The following HS6ST3 variants were observed in gnomAD, a reference collection of about 807,000 sequenced individuals.
HS6ST3 encodes heparan-sulfate 6-O-sulfotransferase 3.
A neutral mutation model predicts 36.7 loss-of-function variants in HS6ST3; 12 were observed. The observed-to-expected ratio is 0.33, with a 90% CI of 0.21 to 0.53. HS6ST3 has a LOEUF of 0.53. HS6ST3 is among the 20% of genes least tolerant of loss of function. The probability of loss-of-function intolerance (pLI) is 0.95; values close to 1 mark genes in which losing one functional copy is unlikely to be tolerated. For missense variants in HS6ST3, 584 were observed against 640.9 expected (o/e 0.91, Z 0.96); for synonymous variants, 240 against 257.5 (o/e 0.93, Z 0.65).
chr13:96,305,413 A>G (rs375622230), intron 1 of HS6ST3, among the ~76,000 whole-genome samples: 48 of 152,324 alleles, frequency 3.2e-4, no homozygotes, highest in East Asian at 1.5e-3. Flanking sequence ...TGCATCATTT[A>G]TGGAGTTTTC....
intron 1 of HS6ST3, among the ~76,000 whole-genome samples, chr13:96,222,655 C>A (rs554186363): frequency 1.6e-4 from 24 of 152,292 alleles, no homozygotes; most frequent in Admixed American, 4.6e-4. Context: ...GGCCTATCGC[C>A]CTGACAGCTG....
intron 1 of HS6ST3, among the ~76,000 whole-genome samples, chr13:96,280,765 C>T (rs2054771743): frequency 1.3e-5 from 2 of 152,152 alleles, no homozygotes; most frequent in South Asian, 4.1e-4. Context: ...TGTACCTCAA[C>T]ATGATAGCCA....
chr13:96,799,964 GTGTATATA>G (rs1878011082), intron 1 of HS6ST3, among the ~76,000 whole-genome samples: 1 of 55,314 alleles, frequency 1.8e-5, no homozygotes, highest in Admixed American at 1.7e-4. Flanking sequence ...ATATATATAT[GTGTATATA>G]TATATATATG....
chr13:96,544,946 G>C lies in HS6ST3; in HGVS notation c.708-287544G>C, dbSNP rs550242363. Among the ~76,000 whole-genome samples, 5 of 152,236 alleles carry C rather than the reference G, an allele frequency of 3.3e-5. No individual in the cohort carries two copies. In the South Asian group the frequency reaches 1.0e-3, roughly 32 times the overall value. ...GAAGCTTGCACTAGAAGAAATACTTGAAAATTATGCAAATAAAGAAGCTCC... is the reference window on the plus strand; with the variant it reads ...GAAGCTTGCACTAGAAGAAATACTTCAAAATTATGCAAATAAAGAAGCTCC... On this transcript the variant is annotated intron_variant, in intron 1 of 1. Transcript: ENST00000376705.
intron 1 of HS6ST3, among the ~76,000 whole-genome samples, chr13:96,301,898 T>TATAATAATAATA (rs71113989): frequency 1.2e-4 from 17 of 137,752 alleles, no homozygotes; most frequent in Admixed American, 2.2e-4. Context: ...AGACTCCATC[T>TATAATAATAATA]ATAATAATAA....
Position 96,573,571 on chromosome 13 carries a change from A to G in HS6ST3, c.708-258919A>G, listed in dbSNP as rs1194609812. 9.8e-6 allele frequency: 2 copies of G among 204,884 alleles called. 1 individual carries two copies. Among genetic ancestry groups the G allele is most frequent in the African/African-American group, 4.8e-5 (2 of 41,716 alleles). 12.7% of individuals were successfully genotyped at this position (204,884 alleles called of 1,614,324 possible). Reference sequence around the variant, plus strand: ...CTGTTGTAGCTGTTCCTCTGGCAATACAAACTTTCTGATTTCAGGGTCTGC... The same window carrying G: ...CTGTTGTAGCTGTTCCTCTGGCAATGCAAACTTTCTGATTTCAGGGTCTGC... On this transcript the variant is annotated intron_variant, in intron 1 of 1. Coordinates refer to ENST00000376705, the MANE Select transcript of HS6ST3 (RefSeq NM_153456.4).
chr13:96,655,636 A>G (rs1192243048), intron 1 of HS6ST3, among the ~76,000 whole-genome samples: 1 of 152,022 alleles, frequency 6.6e-6, no homozygotes, highest in Non-Finnish European at 1.5e-5. Flanking sequence ...ATTTTTTTTG[A>G]TTGACAAAAG....
chr13:96,198,342 T>C (rs140910978), intron 1 of HS6ST3, among the ~76,000 whole-genome samples: 32 of 152,290 alleles, frequency 2.1e-4, no homozygotes, highest in African/African-American at 7.5e-4. Context: ...TCCTCCCTGA[T>C]CTTCGGGATT....
intron 1 of HS6ST3, among the ~76,000 whole-genome samples, chr13:96,478,748 A>G (rs1371065523): frequency 6.6e-6 from 1 of 152,214 alleles, no homozygotes; most frequent in Non-Finnish European, 1.5e-5. Flanking sequence ...ACTACGATTT[A>G]CAACTGTATC....
rs117219281 is a variant in HS6ST3, at chr13:96,115,663, G to T, written c.707+24094G>T. On this transcript the variant is annotated intron_variant, in intron 1 of 1. Coordinates refer to ENST00000376705, the MANE Select transcript of HS6ST3 (RefSeq NM_153456.4). The stretch of plus-strand genomic sequence containing the variant: ...CAGTCTATCATTGGGCATTCGGGTT[G>T]GTTCCATGACTTTGCTATTGTAAAT... Among the ~76,000 whole-genome samples, 10 of 152,232 alleles carry T rather than the reference G, an allele frequency of 6.6e-5. No individual in the cohort carries two copies. The East Asian group carries it at 1.7e-3, about 26-fold the overall frequency.
At chr13:96,562,133 C>T (rs2056264601) in intron 1 of HS6ST3, among the ~76,000 whole-genome samples, 1 of 152,146 alleles carries the variant, frequency 6.6e-6, no homozygotes, top group African/African-American at 2.4e-5. Flanking sequence ...AACTGAGGTA[C>T]CCCTCAATGG....
At chr13:96,174,300 CCT>C (rs1193368897) in intron 1 of HS6ST3, among the ~76,000 whole-genome samples, 2 of 152,164 alleles carry the variant, frequency 1.3e-5, no homozygotes, top group African/African-American at 4.8e-5. Context: ...ATGTTTATCC[CCT>C]GATTTTTCAA....
intron 1 of HS6ST3, among the ~76,000 whole-genome samples, chr13:96,121,567 C>T (rs568637514): frequency 2.0e-5 from 3 of 152,328 alleles, no homozygotes; most frequent in South Asian, 4.1e-4. Context: ...GCTAATAGCC[C>T]GAACCAGTTC....
chr13:96,633,247 G>A (rs1209856588), intron 1 of HS6ST3, among the ~76,000 whole-genome samples: 1 of 152,170 alleles, frequency 6.6e-6, no homozygotes, highest in East Asian at 1.9e-4. Flanking sequence ...ACACAATGGG[G>A]AAAGCAGAAA....
At position 96,319,834 on chromosome 13, in the gene HS6ST3, T is replaced by C. The variant is rs541381997; in HGVS notation, c.707+228265T>C. Among the ~76,000 whole-genome samples, 3 of 152,328 alleles carry C rather than the reference T, an allele frequency of 2.0e-5. No homozygotes were observed. In the South Asian group the frequency reaches 6.2e-4, roughly 32 times the overall value. On this transcript the variant is annotated intron_variant, in intron 1 of 1. Transcript: ENST00000376705. ...CGTTTTAAAGCACTTGAGAACAATCTTTCTATAGCTCTTTGCTGGGAGTCA... is the reference window on the plus strand; with the variant it reads ...CGTTTTAAAGCACTTGAGAACAATCCTTCTATAGCTCTTTGCTGGGAGTCA...
chr13:96,690,356 C>G (rs565707633), intron 1 of HS6ST3, among the ~76,000 whole-genome samples: 4 of 152,178 alleles, frequency 2.6e-5, no homozygotes, highest in African/African-American at 9.6e-5. Context: ...AAAATGTAAT[C>G]AAGTCATCCT....
At chr13:96,489,974 C>A (rs916172166) in intron 1 of HS6ST3, among the ~76,000 whole-genome samples, 1 of 152,064 alleles carries the variant, frequency 6.6e-6, no homozygotes, top group African/African-American at 2.4e-5. Flanking sequence ...TTATGTAGAG[C>A]AAATTAGCTC....
At chr13:96,564,822 A>G (rs1381096695) in intron 1 of HS6ST3, among the ~76,000 whole-genome samples, 3 of 152,236 alleles carry the variant, frequency 2.0e-5, no homozygotes, top group Non-Finnish European at 4.4e-5. Flanking sequence ...CAAGTAATTT[A>G]AAACACTCGT....
intron 1 of HS6ST3, among the ~76,000 whole-genome samples, chr13:96,272,084 G>A (rs1052286847): frequency 6.6e-6 from 1 of 151,992 alleles, no homozygotes; most frequent in Non-Finnish European, 1.5e-5. Flanking sequence ...ATTGTAAAGA[G>A]TAATAGCCTT....
Sources: allele counts gnomAD v4.1 joint callset (sites outside exome capture counted in the v4.1 genomes callset), GRCh38; gene constraint gnomAD v4.1.1; transcripts MANE v1.5; gene names NCBI Gene and HGNC (gene_info 2026-07-23, HGNC 2026-07-21).